The following PRKD1 variants were observed in gnomAD, a reference collection of about 807,000 sequenced individuals.
PRKD1 encodes serine/threonine-protein kinase D1.
In PRKD1, 63 loss-of-function variants were observed where a neutral mutation model predicts 95.9. The observed-to-expected ratio is 0.66, with a 90% CI of 0.54 to 0.81. The LOEUF is 0.81. PRKD1 is among the 30% of genes least tolerant of loss of function. PRKD1 has a pLI of 0.00. For synonymous variants in PRKD1, 425 were observed against 423.1 expected, an observed-to-expected ratio of 1.00 and a Z score of -0.05; for missense variants, 1,048 against 1,165.3, an observed-to-expected ratio of 0.90 and a Z score of 1.47.
chr14:29,702,812 T>C lies in PRKD1; in HGVS notation c.403+22724A>G, dbSNP rs180873721. 7.2e-5 allele frequency among the ~76,000 whole-genome samples: 11 copies of C among 152,312 alleles called. No homozygotes were observed. In the East Asian group the frequency reaches 2.1e-3, roughly 29 times the overall value. ...CATTTAAGGGTATTGATTTTCTTCC[T>C]GAGACCATTTTAGCAATATCCTAAA... On this transcript the variant is annotated intron_variant, in intron 2 of 17. Transcript: ENST00000331968.
intron 1 of PRKD1, among the ~76,000 whole-genome samples, chr14:29,762,189 A>C (rs1888025231): frequency 6.6e-6 from 1 of 152,202 alleles, no homozygotes; most frequent in African/African-American, 2.4e-5. Flanking sequence ...CACTAGTTTT[A>C]TAGTATAATC....
chr14:29,681,608 A>C (rs974466366), intron 2 of PRKD1, among the ~76,000 whole-genome samples: 1 of 152,146 alleles, frequency 6.6e-6, no homozygotes, highest in Non-Finnish European at 1.5e-5. Context: ...AAAATGGCCT[A>C]TGAGCAGCAT....
intron 1 of PRKD1, among the ~76,000 whole-genome samples, chr14:29,775,753 C>T (rs10139961): frequency 0.21 from 31,537 of 151,982 alleles, 3,438 homozygotes; most frequent in South Asian, 0.27. Flanking sequence ...AGCAGAACCT[C>T]CTGCAAACTT....
intron 2 of PRKD1, among the ~76,000 whole-genome samples, chr14:29,714,463 T>A (rs2139364904): frequency 6.6e-6 from 1 of 152,322 alleles, no homozygotes; most frequent in South Asian, 2.1e-4. Context: ...AAACAACAGA[T>A]GCTGGAGAGC....
chr14:29,893,127 G>A lies in PRKD1; in HGVS notation c.264+34122C>T, dbSNP rs1007291125. Among the ~76,000 whole-genome samples the A allele has an allele frequency of 5.3e-5, 8 of 152,154 alleles. 1 individual carries two copies. The South Asian group carries it at 1.4e-3, about 28-fold the overall frequency. On this transcript the variant is annotated intron_variant, in intron 1 of 17. Transcript: ENST00000331968. ...TCAGTAAGACAAAATGGACAGATTA[G>A]TAAATTTTCATTTTATTAATAATAC...
At chr14:29,691,849 C>A (rs942926882) in intron 2 of PRKD1, among the ~76,000 whole-genome samples, 3 of 151,978 alleles carry the variant, frequency 2.0e-5, no homozygotes, top group Non-Finnish European at 4.4e-5. Context: ...CACCATATCA[C>A]AAACTTTGAA....
chr14:29,648,935 T>TGAGC (rs1186069545), intron 4 of PRKD1, among the ~76,000 whole-genome samples: 1 of 152,122 alleles, frequency 6.6e-6, no homozygotes, highest in Non-Finnish European at 1.5e-5. Context: ...ATTACAGGCG[T>TGAGC]GAGCCACCAT....
At chr14:29,605,696 A>C (rs970437734) in intron 13 of PRKD1, among the ~76,000 whole-genome samples, 13 of 152,238 alleles carry the variant, frequency 8.5e-5, no homozygotes, top group African/African-American at 1.2e-4. Context: ...TTCCCAGTCA[A>C]TATAAGTCTA....
At chr14:29,909,062 C>A (rs552184490) in intron 1 of PRKD1, among the ~76,000 whole-genome samples, 1 of 152,146 alleles carries the variant, frequency 6.6e-6, no homozygotes, top group African/African-American at 2.4e-5. Flanking sequence ...TCCGGGTGGG[C>A]GTGGGCTTGG....
In PRKD1 at chr14:29,842,656, C is replaced by T. The variant is rs568402945; in HGVS notation, c.264+84593G>A. Among the ~76,000 whole-genome samples the T allele has an allele frequency of 1.4e-3, 206 of 152,308 alleles. 1 individual carries two copies. Among genetic ancestry groups the T allele is most frequent in the Non-Finnish European group, 2.2e-3 (151 of 68,024 alleles). ...TGGGTATACATACCATCCAAACTGT[C>T]ATACTGTTCTGGTGAAATGTTCCTT... On this transcript the variant is annotated intron_variant, in intron 1 of 17. Coordinates refer to ENST00000331968, the MANE Select transcript of PRKD1 (RefSeq NM_002742.3).
chr14:29,577,303 T>C lies in PRKD1; in HGVS notation c.2674A>G (p.Ser892Gly), dbSNP rs756846244. The C allele has an allele frequency of 9.2e-5, 149 of 1,613,748 alleles. No individual in the cohort carries two copies. The highest frequency in any genetic ancestry group is 1.2e-4 in the Non-Finnish European group (138 of 1,179,854). ...THLINPSASH[S>G]DTPETEETEM... The stretch of plus-strand genomic sequence containing the variant: ...GTTTCTTCAGTCTCAGGAGTGTCAC[T>C]GTGGCTAGCACTTGGATTGATCAGG... The change falls in exon 18 of 18, where the codon AGT becomes GGT. Residue 892 changes from serine (S) to glycine (G), a missense_variant. Transcript: ENST00000331968.
At chr14:29,606,101 C>T (rs183645792) in intron 13 of PRKD1, among the ~76,000 whole-genome samples, 5 of 152,166 alleles carry the variant, frequency 3.3e-5, no homozygotes, top group East Asian at 1.9e-4. Flanking sequence ...CAGCCTCCCC[C>T]TCTCGGGTTC....
In PRKD1 at chr14:29,577,212, T is replaced by C; in HGVS notation, c.*26A>G. 6.3e-7 allele frequency: 1 copy of C among 1,590,140 alleles called. No homozygotes were observed. Among genetic ancestry groups the C allele is most frequent in the Non-Finnish European group, 8.6e-7 (1 of 1,159,636 alleles). The stretch of plus-strand genomic sequence containing the variant: ...GTATGTATTTATTAGTTCCACAGTG[T>C]TTTGACAGATTATAGGAGATGGAAC... On this transcript the variant is annotated 3_prime_UTR_variant, in exon 18 of 18. Coordinates refer to ENST00000331968, the MANE Select transcript of PRKD1 (RefSeq NM_002742.3).
At chr14:29,696,607 A>G (rs767690896) in intron 2 of PRKD1, among the ~76,000 whole-genome samples, 2 of 152,222 alleles carry the variant, frequency 1.3e-5, no homozygotes, top group Non-Finnish European at 1.5e-5. Flanking sequence ...TAAATTTTAT[A>G]TGAGTGAATT....
chr14:29,725,790 T>C, intron 1 of PRKD1, 116 bp from the exon 2 acceptor site: 1 of 911,852 alleles, frequency 1.1e-6, no homozygotes, highest in Non-Finnish European at 1.5e-6. Flanking sequence ...ATCTAGATCA[T>C]TAAAATATTT....
At chr14:29,734,979 T>G (rs1453022628) in intron 1 of PRKD1, among the ~76,000 whole-genome samples, 11 of 152,196 alleles carry the variant, frequency 7.2e-5, no homozygotes. Context: ...TTACCTTGTT[T>G]GTTTCCCTTT....
intron 4 of PRKD1, among the ~76,000 whole-genome samples, chr14:29,643,311 G>A (rs1880921915): frequency 6.6e-6 from 1 of 152,150 alleles, no homozygotes; most frequent in Non-Finnish European, 1.5e-5. Flanking sequence ...GATAATATGA[G>A]AACGTAATGA....
intron 4 of PRKD1, among the ~76,000 whole-genome samples, chr14:29,662,952 A>G (rs565140600): frequency 6.6e-6 from 1 of 150,950 alleles, no homozygotes; most frequent in African/African-American, 2.4e-5. Flanking sequence ...AATTCACATA[A>G]TTACCACAAT....
At chr14:29,693,962 A>G (rs1489029910) in intron 2 of PRKD1, among the ~76,000 whole-genome samples, 1 of 152,194 alleles carries the variant, frequency 6.6e-6, no homozygotes, top group East Asian at 1.9e-4. Flanking sequence ...TAGCTACAGA[A>G]GCTAAATCTC....
Sources: gnomAD v4.1 joint callset for allele counts (sites outside exome capture counted in the v4.1 genomes callset) on GRCh38, gnomAD v4.1.1 for gene constraint, MANE v1.5 for transcripts, NCBI Gene and HGNC (gene_info 2026-07-23, HGNC 2026-07-21) for gene names.